Variants in PDE4D observed in about 807,000 individuals in gnomAD.
PDE4D encodes the protein phosphodiesterase 4D.
A neutral mutation model predicts 87.4 loss-of-function variants in PDE4D; 24 were observed. The ratio of observed to expected loss-of-function variants is 0.27; its 90% CI spans 0.20 to 0.39. The LOEUF is 0.39. PDE4D is among the 10% of genes least tolerant of loss of function. The pLI is 1.00. For synonymous variants in PDE4D, 384 were observed against 383.2 expected, an observed-to-expected ratio of 1.00 and a Z score of -0.02; for missense variants, 714 against 1,041.0, an observed-to-expected ratio of 0.69 and a Z score of 4.32.
intron 1 of PDE4D, among the ~76,000 whole-genome samples, chr5:59,512,331 A>T (rs1332456001): frequency 6.6e-6 from 1 of 152,186 alleles, no homozygotes; most frequent in Non-Finnish European, 1.5e-5. Context: ...TCTCTGGGTC[A>T]GTCAAATCAA....
In PDE4D at chr5:59,504,523, G is replaced by C. The variant is rs114346283; in HGVS notation, c.456-288555C>G. ...TAGGAAACATCAGCTGTGTAGCACC[G>C]GGATTCATTTCTGTTCTCATACAAT... is the stretch of plus-strand genomic sequence containing the variant. On this transcript the variant is annotated intron_variant, in intron 1 of 14. Transcript: ENST00000340635. 7.5e-3 allele frequency among the ~76,000 whole-genome samples: 1,141 copies of C among 152,116 alleles called. 18 individuals carry two copies. Among genetic ancestry groups the C allele is most frequent in the African/African-American group, 0.026 (1,081 of 41,492 alleles).
intron 1 of PDE4D, among the ~76,000 whole-genome samples, chr5:59,882,367 A>G (rs1460762451): frequency 6.6e-6 from 1 of 152,204 alleles, no homozygotes; most frequent in African/African-American, 2.4e-5. Context: ...GTAGTAAAAT[A>G]AAAATGTGTG....
intron 5 of PDE4D, chr5:59,157,469 C>T (rs895231621): frequency 3.1e-6 from 2 of 646,000 alleles, no homozygotes; most frequent in African/African-American, 3.6e-5. Flanking sequence ...GAATTTACGA[C>T]TAAGTTTCCA....
At chr5:59,784,208 G>A (rs1764914942) in intron 1 of PDE4D, among the ~76,000 whole-genome samples, 1 of 150,784 alleles carries the variant, frequency 6.6e-6, no homozygotes, top group Non-Finnish European at 1.5e-5. Context: ...GAACAAAGAG[G>A]TACATGTCTC....
At chr5:58,977,152 C>A (rs763730979) in intron 12 of PDE4D, 39 bp downstream of exon 12, 3 of 1,557,086 alleles carry the variant, frequency 1.9e-6, no homozygotes, top group Non-Finnish European at 2.6e-6. Flanking sequence ...AAACAACTTG[C>A]ATCACAGTTC....
chr5:59,809,161 A>C (rs1487524469), intron 1 of PDE4D, among the ~76,000 whole-genome samples: 1 of 152,198 alleles, frequency 6.6e-6, no homozygotes. Context: ...GGACATTGCT[A>C]ATGATTTGCC....
intron 1 of PDE4D, among the ~76,000 whole-genome samples, chr5:60,518,634 G>A (rs1375154756): frequency 1.3e-5 from 2 of 152,146 alleles, no homozygotes; most frequent in Non-Finnish European, 2.9e-5. Flanking sequence ...ACAGATGCGT[G>A]AACTCCCACA....
intron 1 of PDE4D, among the ~76,000 whole-genome samples, chr5:60,189,812 G>T (rs1412796366): frequency 6.6e-6 from 1 of 152,188 alleles, no homozygotes; most frequent in African/African-American, 2.4e-5. Flanking sequence ...TATGTGCCAG[G>T]CACAGTACTA....
intron 1 of PDE4D, among the ~76,000 whole-genome samples, chr5:59,831,326 C>CAAAAAAAAAAAAAAAAAAAAAAAAAA: frequency 2.2e-5 from 2 of 91,414 alleles, no homozygotes; most frequent in Non-Finnish European, 4.1e-5. Context: ...AAATTATTCT[C>CAAAAAAAAAAAAAAAAAAAAAAAAAA]AAAAAAAAAA....
At chr5:60,243,674 A>G (rs1371003580) in intron 1 of PDE4D, among the ~76,000 whole-genome samples, 1 of 152,020 alleles carries the variant, frequency 6.6e-6, no homozygotes, top group African/African-American at 2.4e-5. Flanking sequence ...AACTCAATCA[A>G]TGTGATAGAT....
chr5:59,248,291 T>G (rs1227434452), intron 1 of PDE4D, among the ~76,000 whole-genome samples: 3 of 151,148 alleles, frequency 2.0e-5, no homozygotes, highest in Non-Finnish European at 4.4e-5. Context: ...AGGAGACTGT[T>G]ATGTTTTGCC....
At chr5:60,338,151 C>T (rs891842573) in intron 1 of PDE4D, among the ~76,000 whole-genome samples, 1 of 152,026 alleles carries the variant, frequency 6.6e-6, no homozygotes, top group Non-Finnish European at 1.5e-5. Flanking sequence ...TCAGCACAAA[C>T]GATGAAAGCC....
intron 1 of PDE4D, among the ~76,000 whole-genome samples, chr5:60,302,836 GTT>G (rs534689147): frequency 8.2e-4 from 124 of 152,048 alleles, no homozygotes; most frequent in Non-Finnish European, 1.3e-3. Flanking sequence ...GTTTTGTTTT[GTT>G]TTGTTTTGTT....
chr5:60,066,729 G>A (rs1582478650), intron 2 of PDE4D, among the ~76,000 whole-genome samples: 1 of 152,026 alleles, frequency 6.6e-6, no homozygotes, highest in Non-Finnish European at 1.5e-5. Flanking sequence ...CCCTGGCTTA[G>A]TCTACATAAT....
At chr5:60,066,690 T>C (rs1772138972) in intron 2 of PDE4D, among the ~76,000 whole-genome samples, 1 of 152,088 alleles carries the variant, frequency 6.6e-6, no homozygotes, top group Admixed American at 6.6e-5. Flanking sequence ...ATGCTTTTAT[T>C]AGATGAGTCA....
chr5:59,865,940 C>T (rs575913905), intron 1 of PDE4D, among the ~76,000 whole-genome samples: 19 of 152,342 alleles, frequency 1.2e-4, no homozygotes, highest in Middle Eastern at 3.4e-3. Context: ...GCTGCTAGAA[C>T]GCTTTGCCTC....
At chr5:59,754,107 A>C (rs1457762655) in intron 1 of PDE4D, among the ~76,000 whole-genome samples, 1 of 152,170 alleles carries the variant, frequency 6.6e-6, no homozygotes, top group East Asian at 1.9e-4. Flanking sequence ...AGACAGGCAG[A>C]TCTCTTGAGG....
intron 6 of PDE4D, among the ~76,000 whole-genome samples, chr5:59,021,419 T>C (rs1289100674): frequency 6.6e-6 from 1 of 152,140 alleles, no homozygotes; most frequent in Non-Finnish European, 1.5e-5. Context: ...TCTGTAAGCT[T>C]TCTCCCAGCC....
intron 5 of PDE4D, among the ~76,000 whole-genome samples, chr5:59,073,274 T>C (rs867907409): frequency 6.6e-6 from 1 of 152,182 alleles, no homozygotes; most frequent in Middle Eastern, 3.4e-3. Flanking sequence ...AACAACTCAC[T>C]TGACCTGCTA....
Sources: gnomAD v4.1 joint callset for allele counts (sites outside exome capture counted in the v4.1 genomes callset) on GRCh38, gnomAD v4.1.1 for gene constraint, MANE v1.5 for transcripts, NCBI Gene and HGNC (gene_info 2026-07-23, HGNC 2026-07-21) for gene names.